Variants in RSU1 observed in about 807,000 individuals in gnomAD.
RSU1 encodes the protein rsu-1.
A neutral mutation model predicts 31.1 loss-of-function variants in RSU1; 26 were observed. The ratio of observed to expected loss-of-function variants is 0.84; its 90% CI spans 0.61 to 1.16. The LOEUF is 1.16. Among genes scored for constraint, RSU1 ranks in the 50% most tolerant of loss-of-function variants. The probability of loss-of-function intolerance (pLI) is 0.00; values close to 1 mark genes in which losing one functional copy is unlikely to be tolerated. For synonymous variants in RSU1, 164 were observed against 136.3 expected, an observed-to-expected ratio of 1.20 and a Z score of -1.41; for missense variants, 320 against 339.1, an observed-to-expected ratio of 0.94 and a Z score of 0.44.
intron 8 of RSU1, among the ~76,000 whole-genome samples, chr10:16,630,493 C>A (rs748445382): frequency 6.6e-6 from 1 of 152,178 alleles, no homozygotes; most frequent in African/African-American, 2.4e-5. Context: ...ATCAATCTTG[C>A]GTCACACAGC....
At chr10:16,595,140 C>T (rs1359567849) in intron 8 of RSU1, among the ~76,000 whole-genome samples, 1 of 152,154 alleles carries the variant, frequency 6.6e-6, no homozygotes, top group Non-Finnish European at 1.5e-5. Context: ...TGGTGTTACA[C>T]TCCTGGCCCC....
intron 8 of RSU1, among the ~76,000 whole-genome samples, chr10:16,674,072 A>G (rs2131541264): frequency 6.6e-6 from 1 of 152,278 alleles, no homozygotes; most frequent in South Asian, 2.1e-4. Flanking sequence ...AGGGGATGGG[A>G]GGCCTGGCTG....
intron 8 of RSU1, among the ~76,000 whole-genome samples, chr10:16,645,609 A>C (rs1834523288): frequency 6.6e-6 from 1 of 151,754 alleles, no homozygotes; most frequent in Non-Finnish European, 1.5e-5. Flanking sequence ...GGAGTTCAGG[A>C]CCAGGCTGGG....
chr10:16,783,364 C>CTTTTTTTTTTTTTTTTTTTTTTTT (rs57270890), intron 2 of RSU1, among the ~76,000 whole-genome samples: 1 of 132,068 alleles, frequency 7.6e-6, no homozygotes. Flanking sequence ...ACAACTTTTG[C>CTTTTTTTTTTTTTTTTTTTTTTTT]TTTTTTTTTT....
intron 7 of RSU1, among the ~76,000 whole-genome samples, chr10:16,697,986 C>G (rs1443501804): frequency 9.2e-6 from 1 of 109,182 alleles, no homozygotes; most frequent in Admixed American, 1.0e-4. Context: ...CAGGAACACA[C>G]CTTTTTTTTT....
chr10:16,606,253 T>C (rs1041134122), intron 8 of RSU1, among the ~76,000 whole-genome samples: 4 of 152,176 alleles, frequency 2.6e-5, no homozygotes, highest in Non-Finnish European at 5.9e-5. Flanking sequence ...TAAGAACTAG[T>C]TGAAGATAGT....
rs539455653 is a variant in RSU1 at position 16,597,782 on chromosome 10, T to A, written c.732-4286A>T. 2.0e-5 allele frequency among the ~76,000 whole-genome samples: 3 copies of A among 152,358 alleles called. No individual in the cohort carries two copies. The East Asian group carries it at 5.8e-4, about 29-fold the overall frequency. ...AACACCTCTGGAACAAAGGTTTTAA[T>A]CCTTTTTGAAGAAAGCAACTAAGAC... On this transcript the variant is annotated intron_variant, in intron 8 of 8. Coordinates refer to ENST00000345264, the MANE Select transcript of RSU1 (RefSeq NM_012425.4).
chr10:16,817,116 A>G (rs1213178144), intron 1 of RSU1, 32 bp from the exon 2 acceptor site: 3 of 1,486,574 alleles, frequency 2.0e-6, no homozygotes, highest in Non-Finnish European at 9.4e-7. Context: ...CACGTGGGCG[A>G]TGACAGCAAG....
chr10:16,704,128 G>C lies in RSU1; in HGVS notation c.599-8973C>G, dbSNP rs147794117. Among the ~76,000 whole-genome samples the C allele has an allele frequency of 9.9e-5, 15 of 152,032 alleles. No homozygotes were observed. The East Asian group carries it at 2.7e-3, about 27-fold the overall frequency. ...TAGAACTTTAAAATTTTAAATAAAA[G>C]AAAAAATTAAATCTATTTTGAGTAC... is the stretch of plus-strand genomic sequence containing the variant. On this transcript the variant is annotated intron_variant, in intron 7 of 8. Coordinates refer to ENST00000345264, the MANE Select transcript of RSU1 (RefSeq NM_012425.4).
intron 2 of RSU1, among the ~76,000 whole-genome samples, chr10:16,797,856 C>CTTTTT (rs766748303): frequency 2.7e-4 from 28 of 103,502 alleles, no homozygotes; most frequent in Non-Finnish European, 3.4e-4. Flanking sequence ...GGGATTTCTT[C>CTTTTT]TTTTTTTTTT....
At chr10:16,814,386 C>T (rs1371813880) in intron 2 of RSU1, among the ~76,000 whole-genome samples, 3 of 148,928 alleles carry the variant, frequency 2.0e-5, no homozygotes, top group Non-Finnish European at 4.4e-5. Flanking sequence ...AGGGTGAGGC[C>T]CCAGGGAGCT....
In RSU1 at chr10:16,645,895, TATATAC is replaced by T. The variant is rs1298369326; in HGVS notation, c.731+49122_731+49127del. Among the ~76,000 whole-genome samples the T allele has an allele frequency of 8.7e-5, 6 of 69,150 alleles. 3 individuals are homozygous for T. The highest frequency in any genetic ancestry group is 3.9e-4 in the African/African-American group (6 of 15,232). 45.4% of individuals were successfully genotyped at this position (69,150 alleles called of 152,430 possible). A position where few individuals can be genotyped will look rare whatever the true frequency, so the allele number is the denominator to read the frequency against. On this transcript the variant is annotated intron_variant, in intron 8 of 8. Transcript: ENST00000345264. Reference sequence around the variant, plus strand: ...ACATATATGTGTATATACATATATGTATATACACATATATGTATATATATGTGTATA... The same window carrying T: ...ACATATATGTGTATATACATATATGTACATATATGTATATATATGTGTATA...
chr10:16,633,611 G>A (rs1039235426), intron 8 of RSU1, among the ~76,000 whole-genome samples: 1 of 152,098 alleles, frequency 6.6e-6, no homozygotes, highest in African/African-American at 2.4e-5. Flanking sequence ...ATGTTGAGGT[G>A]GTGAGTCCCA....
chr10:16,671,874 C>G (rs554069690), intron 8 of RSU1, among the ~76,000 whole-genome samples: 200 of 151,798 alleles, frequency 1.3e-3, no homozygotes, highest in African/African-American at 4.6e-3. Flanking sequence ...GATCGACCCC[C>G]CTCGGCCTCC....
intron 8 of RSU1, among the ~76,000 whole-genome samples, chr10:16,613,832 C>T (rs964577047): frequency 8.6e-5 from 13 of 151,868 alleles, no homozygotes; most frequent in African/African-American, 3.1e-4. Context: ...CAAACCTTTC[C>T]CCAGACATGA....
At chr10:16,644,108 G>C (rs1010930195) in intron 8 of RSU1, among the ~76,000 whole-genome samples, 5 of 151,952 alleles carry the variant, frequency 3.3e-5, no homozygotes, top group South Asian at 2.1e-4. Context: ...AGGGTGGTGG[G>C]GGGGGGTCCT....
intron 8 of RSU1, among the ~76,000 whole-genome samples, chr10:16,618,758 C>T (rs1052642961): frequency 6.6e-6 from 1 of 152,138 alleles, no homozygotes; most frequent in Non-Finnish European, 1.5e-5. Flanking sequence ...TGCTATCACT[C>T]ATAAGTGGTA....
At chr10:16,671,838 G>A (rs142440279) in intron 8 of RSU1, among the ~76,000 whole-genome samples, 4,029 of 151,164 alleles carry the variant, frequency 0.027, 187 homozygotes, top group African/African-American at 0.092. Context: ...ATGTTGTCCA[G>A]GATGGTCTCA....
chr10:16,610,406 G>A (rs1016303789), intron 8 of RSU1, among the ~76,000 whole-genome samples: 3 of 152,178 alleles, frequency 2.0e-5, no homozygotes, highest in Admixed American at 6.5e-5. Flanking sequence ...TTTAGAAAAC[G>A]GGTGGCCAAC....
Sources: gnomAD v4.1 joint callset for allele counts (sites outside exome capture counted in the v4.1 genomes callset) on GRCh38, gnomAD v4.1.1 for gene constraint, MANE v1.5 for transcripts, NCBI Gene and HGNC (gene_info 2026-07-23, HGNC 2026-07-21) for gene names.